RYR2: variants seen among roughly 807,000 people sequenced by gnomAD.
The protein encoded by RYR2 is cardiac muscle ryanodine receptor-calcium release channel.
RYR2 carries 227 observed loss-of-function variants against 601.1 expected under a neutral mutation model. The observed-to-expected ratio is 0.38, with a 90% CI of 0.34 to 0.42. The LOEUF (loss-of-function observed/expected upper bound fraction) is 0.42, where lower values mean the gene tolerates loss of function less well. Ranked by LOEUF, RYR2 falls within the 10% of genes least tolerant of loss-of-function variation. RYR2 has a pLI of 1.00. For missense variants in RYR2, 4,646 were observed against 6,156.5 expected (o/e 0.75, Z 8.21); for synonymous variants, 2,223 against 2,175.1 (o/e 1.02, Z -0.61).
chr1:237,298,088 A>G (rs1459448174), intron 2 of RYR2, among the ~76,000 whole-genome samples: 1 of 152,030 alleles, frequency 6.6e-6, no homozygotes, highest in Non-Finnish European at 1.5e-5. Context: ...CAATGATGCT[A>G]CTGAGGAATG....
At chr1:237,654,139 A>C (rs1683018821) in intron 51 of RYR2, 135 bp from the exon 52 acceptor site, 3 of 991,636 alleles carry the variant, frequency 3.0e-6, no homozygotes, top group South Asian at 3.5e-5. Context: ...TCTCCAAGAT[A>C]ATTTATATGG....
chr1:237,576,103 A>G (rs886822945), intron 29 of RYR2, among the ~76,000 whole-genome samples: 2 of 152,226 alleles, frequency 1.3e-5, no homozygotes, highest in African/African-American at 4.8e-5. Flanking sequence ...CTTTATTAAA[A>G]GACTTATTAC....
chr1:237,397,875 C>T (rs549222533), intron 10 of RYR2, among the ~76,000 whole-genome samples: 7 of 152,118 alleles, frequency 4.6e-5, no homozygotes, highest in African/African-American at 1.4e-4. Context: ...GCACCCACCA[C>T]CACATCTGGC....
intron 25 of RYR2, among the ~76,000 whole-genome samples, chr1:237,538,496 G>T (rs1338628244): frequency 4.0e-5 from 6 of 149,056 alleles, no homozygotes; most frequent in South Asian, 2.1e-4. Flanking sequence ...TTTTGGCCAG[G>T]CCTGGTGGCT....
At chr1:237,421,110 G>A (rs1488091335) in intron 11 of RYR2, among the ~76,000 whole-genome samples, 2 of 152,146 alleles carry the variant, frequency 1.3e-5, no homozygotes, top group Non-Finnish European at 2.9e-5. Context: ...GCGGTGGCTG[G>A]CGCCTATAGT....
At chr1:237,318,227 A>T (rs1695296637) in intron 2 of RYR2, among the ~76,000 whole-genome samples, 1 of 152,122 alleles carries the variant, frequency 6.6e-6, no homozygotes, top group African/African-American at 2.4e-5. Flanking sequence ...AAAGATAGAA[A>T]ACCTGCTCCA....
intron 2 of RYR2, among the ~76,000 whole-genome samples, chr1:237,321,268 A>AT (rs1167080471): frequency 6.6e-6 from 1 of 152,128 alleles, no homozygotes; most frequent in Non-Finnish European, 1.5e-5. Flanking sequence ...TTGTCTCTAC[A>AT]TTTTTTTATA....
rs904975858 is a variant in RYR2 at position 237,803,420 on chromosome 1, C to G, written c.14151+1504C>G. On this transcript the variant is annotated intron_variant, in intron 98 of 104. Transcript: ENST00000366574. ...CTGGGTTCACACCATTCTGCCTCAG[C>G]CTCCTGAGTAGCTGGGACTACAGGC... Among the ~76,000 whole-genome samples the G allele has an allele frequency of 4.6e-5, 7 of 152,210 alleles. No homozygotes were observed. In the East Asian group the frequency reaches 1.4e-3, roughly 29 times the overall value.
chr1:237,725,962 C>T (rs530051781), intron 74 of RYR2, among the ~76,000 whole-genome samples: 1 of 152,062 alleles, frequency 6.6e-6, no homozygotes, highest in South Asian at 2.1e-4. Flanking sequence ...AAAACTATTG[C>T]CCTTGATTGC....
intron 27 of RYR2, among the ~76,000 whole-genome samples, chr1:237,560,274 G>A (rs1436201711): frequency 6.6e-6 from 1 of 152,208 alleles, no homozygotes; most frequent in African/African-American, 2.4e-5. Context: ...TGCCTCAGCT[G>A]TTATTGCTGC....
intron 23 of RYR2, among the ~76,000 whole-genome samples, chr1:237,510,398 G>A (rs1665767318): frequency 6.6e-6 from 1 of 152,060 alleles, no homozygotes; most frequent in African/African-American, 2.4e-5. Context: ...ATTATTTGTG[G>A]GTTCAACACA....
chr1:237,251,566 T>A lies in RYR2; in HGVS notation c.49-18931T>A, dbSNP rs193215885. Among the ~76,000 whole-genome samples the A allele has an allele frequency of 1.3e-3, 192 of 152,328 alleles. 1 individual carries two copies. Among genetic ancestry groups the A allele is most frequent in the African/African-American group, 4.3e-3 (180 of 41,574 alleles). On this transcript the variant is annotated intron_variant, in intron 1 of 104. Coordinates refer to ENST00000366574, the MANE Select transcript of RYR2 (RefSeq NM_001035.3). ...TTGAATTCCTCCCCTCTTTCCAACCTCATAATGTTGGTGTGCACCAGGGTT... is the reference window on the plus strand; with the variant it reads ...TTGAATTCCTCCCCTCTTTCCAACCACATAATGTTGGTGTGCACCAGGGTT...
In RYR2 at chr1:237,723,185, A is replaced by C. The variant is rs894881755; in HGVS notation, c.10612A>C (p.Thr3538Pro). 5 of 1,611,520 alleles carry C rather than the reference A, an allele frequency of 3.1e-6. No individual in the cohort carries two copies. Among genetic ancestry groups the C allele is most frequent in the Non-Finnish European group, 4.2e-6 (5 of 1,177,970 alleles). Residue 3538 changes from threonine to proline, a missense_variant, in exon 74 of 105, where the codon ACT becomes CCT. Physicochemically the swap from Thr to Pro is conservative, Grantham distance 38. This residue lies in a region of RYR2 where 1,497 missense variants were observed against 1,842.6 expected (regional missense o/e 0.81). Coordinates refer to ENST00000366574, the MANE Select transcript of RYR2 (RefSeq NM_001035.3). ...TCTTTACAAAGACTTACCAAACAGG[A>C]CTGATGATACCTCAGATCCAGAGAA... ...MALYKDLPNR[T>P]DDTSDPEKTV...
intron 1 of RYR2, among the ~76,000 whole-genome samples, chr1:237,199,345 C>A (rs955765554): frequency 6.6e-6 from 1 of 152,222 alleles, no homozygotes; most frequent in Non-Finnish European, 1.5e-5. Context: ...AGCAGTGCAG[C>A]CTTCAGTCTG....
intron 100 of RYR2, among the ~76,000 whole-genome samples, chr1:237,813,066 G>T (rs1661421911): frequency 6.6e-6 from 1 of 152,018 alleles, no homozygotes; most frequent in South Asian, 2.1e-4. Context: ...ATGTGTTAAG[G>T]ATCCTTCATC....
Position 237,614,898 on chromosome 1 carries a change from T to G in RYR2, c.5715+55T>G. On this transcript the variant is annotated intron_variant, in intron 37 of 104. Transcript: ENST00000366574. The surrounding 1 kb of genome is among the most constrained non-coding windows in gnomAD (Gnocchi z 4.3). ...TCAGAATTGCTAAGCATTAAGGTAT[T>G]AGAACATGCCTTTGTTTCTTTCTCT... The G allele has an allele frequency of 1.4e-6, 2 of 1,468,184 alleles. No individual in the cohort carries two copies. The highest frequency in any genetic ancestry group is 1.8e-6 in the Non-Finnish European group (2 of 1,094,144). The allele number at this position is 1,468,184 out of a possible 1,614,324, so 90.9% of individuals were successfully genotyped here.
At chr1:237,709,238 A>AT in intron 69 of RYR2, 140 bp downstream of exon 69, 1 of 856,850 alleles carries the variant, frequency 1.2e-6, no homozygotes, top group Non-Finnish European at 1.7e-6. Flanking sequence ...AGGCAAGTTA[A>AT]TTTTTGGCTT....
At chr1:237,210,188 T>C (rs924647874) in intron 1 of RYR2, among the ~76,000 whole-genome samples, 1 of 151,916 alleles carries the variant, frequency 6.6e-6, no homozygotes, top group African/African-American at 2.4e-5. Flanking sequence ...ACTTTTTATA[T>C]CATTAGCATT....
chr1:237,487,707 T>C (rs558101687), intron 17 of RYR2, among the ~76,000 whole-genome samples: 4 of 151,390 alleles, frequency 2.6e-5, no homozygotes, highest in African/African-American at 4.9e-5. Flanking sequence ...CTCTCCAGCC[T>C]GGGCAACTAA....
Sources: allele counts gnomAD v4.1 joint callset (sites outside exome capture counted in the v4.1 genomes callset), GRCh38; gene constraint gnomAD v4.1.1; regional missense constraint gnomAD v4.1.1; non-coding constraint Gnocchi (gnomAD v3.1); transcripts MANE v1.5; gene names NCBI Gene and HGNC (gene_info 2026-07-23, HGNC 2026-07-21).